Variants in LOXHD1 observed in about 807,000 individuals in gnomAD.
The protein encoded by LOXHD1 is lipoxygenase homology domain-containing protein 1.
LOXHD1 carries 205 observed loss-of-function variants against 248.2 expected under a neutral mutation model. The observed-to-expected ratio is 0.83, with a 90% CI of 0.74 to 0.93. The LOEUF (loss-of-function observed/expected upper bound fraction) is 0.93. Ranked by LOEUF, LOXHD1 falls within the 40% of genes least tolerant of loss-of-function variation. The pLI, the probability that LOXHD1 is intolerant of heterozygous loss-of-function variation, is 0.00. For synonymous variants in LOXHD1, 1,113 were observed against 1,162.8 expected (o/e 0.96, Z 0.87); for missense variants, 2,930 against 2,971.6 (o/e 0.99, Z 0.33).
At chr18:46,565,054 AGGAGTT>A (rs1447604596) in intron 17 of LOXHD1, among the ~76,000 whole-genome samples, 1 of 152,148 alleles carries the variant, frequency 6.6e-6, no homozygotes, top group African/African-American at 2.4e-5. Flanking sequence ...ACTGGGGGTC[AGGAGTT>A]GGAGACCAGC....
At position 46,497,007 on chromosome 18, in the gene LOXHD1, A is replaced by G. The variant is rs145058465; in HGVS notation, c.5879-7865T>C. ...AACAGAGTGAGACTCCGTCTCAAAA[A>G]TGAAATAAAACAAAAAAATAAGGAT... is the stretch of plus-strand genomic sequence containing the variant. On this transcript the variant is annotated intron_variant, in intron 37 of 40. Transcript: ENST00000642948. Among the ~76,000 whole-genome samples, 117 of 152,336 alleles carry G rather than the reference A, an allele frequency of 7.7e-4. 1 individual carries two copies. Among genetic ancestry groups the G allele is most frequent in the Non-Finnish European group, 1.4e-3 (97 of 68,038 alleles).
rs1187901314 is a variant in LOXHD1, at chr18:46,507,561, G to A, written c.5669C>T (p.Ala1890Val). ...EMMEWTSYTV[A>V]VKTSDILGAG... is the part of the protein sequence containing the mutation. ...ACCCAGGATGTCGCTGGTCTTAACT[G>A]CGACGGTGTAGGAGGTCCACTCCAT... is the stretch of plus-strand genomic sequence containing the variant. The change falls in exon 36 of 41, where the codon GCA (alanine) becomes GTA (valine). Residue 1890 changes from alanine to valine, a missense_variant. By Grantham distance (64) the Ala-to-Val change is moderately conservative. Coordinates refer to ENST00000642948, the MANE Select transcript of LOXHD1 (RefSeq NM_001384474.1). 16 of 1,551,738 alleles carry A rather than the reference G, an allele frequency of 1.0e-5. No individual in the cohort carries two copies. The highest frequency in any genetic ancestry group is 1.4e-5 in the Non-Finnish European group (16 of 1,146,996).
Position 46,483,663 on chromosome 18 carries a change from C to T in LOXHD1, c.6265G>A (p.Asp2089Asn). The change falls in exon 40 of 41, where the codon GAC (aspartate) becomes AAC (asparagine). Residue 2089 changes from aspartate (D) to asparagine (N), a missense_variant. Physicochemically the swap from Asp to Asn is conservative, Grantham distance 23 (BLOSUM62 1). Transcript: ENST00000642948. ...SLCVGHLARE[D>N]RFIPKRELAW... ...AGTTCTCTCTTGGGGATAAACCGGT[C>T]TTCCCTGGCAAGGTGGCCCACACAG... 1 of 1,551,740 alleles carries T rather than the reference C, an allele frequency of 6.4e-7. No individual in the cohort carries two copies.
At chr18:46,641,921 C>T (rs1484505525) in intron 3 of LOXHD1, 35 bp downstream of exon 3, 13 of 1,537,352 alleles carry the variant, frequency 8.5e-6, no homozygotes, top group Admixed American at 2.0e-5. Flanking sequence ...ACTTTCATCT[C>T]CACCCTCAAT....
rs997256255 is a variant in LOXHD1 at position 46,560,175 on chromosome 18, T to G, written c.2969A>C (p.His990Pro). Residue 990 changes from histidine to proline, a missense_variant, in exon 19 of 41, where the codon CAC becomes CCC. Transcript: ENST00000642948. ...GPGMQEVIEQ[H>P]KFEAHRWLAR... ...CAGCCAGCGGTGGGCTTCGAACTTG[T>G]GCTGCTCAATCACCTCCTGCATCCC... 1 of 1,551,512 alleles carries G rather than the reference T, an allele frequency of 6.4e-7. No homozygotes were observed. Among genetic ancestry groups the G allele is most frequent in the Non-Finnish European group, 8.7e-7 (1 of 1,146,982 alleles).
At chr18:46,555,770 T>G (rs939000224) in intron 21 of LOXHD1, among the ~76,000 whole-genome samples, 1 of 151,982 alleles carries the variant, frequency 6.6e-6, no homozygotes, top group African/African-American at 2.4e-5. Flanking sequence ...GAAAACACGT[T>G]CAATTCAACA....
At chr18:46,518,478 C>T (rs1453348007) in intron 33 of LOXHD1, among the ~76,000 whole-genome samples, 1 of 152,228 alleles carries the variant, frequency 6.6e-6, no homozygotes, top group Non-Finnish European at 1.5e-5. Context: ...GGAGTTCTGA[C>T]AGCCCTTCTG....
intron 4 of LOXHD1, among the ~76,000 whole-genome samples, chr18:46,618,676 A>G (rs908563173): frequency 2.0e-5 from 3 of 152,116 alleles, no homozygotes; most frequent in Non-Finnish European, 4.4e-5. Context: ...AACCTCCACC[A>G]TATCTCCCCT....
At chr18:46,527,962 T>C (rs2035898135) in intron 29 of LOXHD1, among the ~76,000 whole-genome samples, 1 of 152,196 alleles carries the variant, frequency 6.6e-6, no homozygotes, top group South Asian at 2.1e-4. Flanking sequence ...CCTGGAGACC[T>C]GGCAGCCAGG....
At chr18:46,580,059 C>G (rs1268587515) in intron 12 of LOXHD1, among the ~76,000 whole-genome samples, 1 of 152,226 alleles carries the variant, frequency 6.6e-6, no homozygotes, top group Non-Finnish European at 1.5e-5. Context: ...GTTCCCAATC[C>G]TGTCAATTAT....
chr18:46,580,534 G>A (rs964235375), intron 12 of LOXHD1, among the ~76,000 whole-genome samples: 1 of 152,174 alleles, frequency 6.6e-6, no homozygotes, highest in African/African-American at 2.4e-5. Flanking sequence ...AAAGTAAAAT[G>A]TACCCATTCA....
chr18:46,633,881 C>G (rs2038859367), intron 4 of LOXHD1, among the ~76,000 whole-genome samples: 1 of 152,222 alleles, frequency 6.6e-6, no homozygotes, highest in East Asian at 1.9e-4. Flanking sequence ...CTCAACATCA[C>G]TAATCATTAG....
chr18:46,522,060 C>A (rs2035601227), intron 32 of LOXHD1, 41 bp downstream of exon 32: 1 of 1,481,826 alleles, frequency 6.7e-7, no homozygotes, highest in African/African-American at 1.4e-5. Context: ...TCTGTCTATC[C>A]CTAGGGTGGT....
chr18:46,567,577 G>A (rs1056516102), intron 16 of LOXHD1, among the ~76,000 whole-genome samples: 1 of 152,234 alleles, frequency 6.6e-6, no homozygotes, highest in Non-Finnish European at 1.5e-5. Context: ...ACAGAGGTAA[G>A]TGTCTGATAT....
chr18:46,619,454 C>A (rs1395546185), intron 4 of LOXHD1, among the ~76,000 whole-genome samples: 2 of 152,148 alleles, frequency 1.3e-5, no homozygotes, highest in Admixed American at 6.5e-5. Flanking sequence ...CCATTTCCTG[C>A]AAGTAAGGCT....
intron 37 of LOXHD1, among the ~76,000 whole-genome samples, chr18:46,490,110 G>A (rs981320732): frequency 6.6e-6 from 1 of 152,198 alleles, no homozygotes; most frequent in Non-Finnish European, 1.5e-5. Flanking sequence ...TGCACTGGTT[G>A]AGTTACTCTC....
chr18:46,593,568 T>C (rs1487320551), intron 10 of LOXHD1, 32 bp downstream of exon 10: 33 of 1,549,514 alleles, frequency 2.1e-5, no homozygotes, highest in Non-Finnish European at 2.8e-5. Context: ...CTTCCTCCTT[T>C]CTCCCTCCCA....
chr18:46,543,254 T>C (rs955322141), intron 23 of LOXHD1, among the ~76,000 whole-genome samples: 1 of 152,184 alleles, frequency 6.6e-6, no homozygotes, highest in Non-Finnish European at 1.5e-5. Flanking sequence ...CTTTTATAAG[T>C]GAGAACATTC....
intron 3 of LOXHD1, among the ~76,000 whole-genome samples, chr18:46,640,542 A>T (rs963684041): frequency 1.3e-5 from 2 of 152,226 alleles, no homozygotes; most frequent in African/African-American, 4.8e-5. Context: ...GATCCAAAGA[A>T]ACTGGTAGAA....
Sources: gnomAD v4.1 joint callset for allele counts (sites outside exome capture counted in the v4.1 genomes callset) on GRCh38, gnomAD v4.1.1 for gene constraint, MANE v1.5 for transcripts, NCBI Gene and HGNC (gene_info 2026-07-23, HGNC 2026-07-21) for gene names.